The following SGCD variants were observed in gnomAD, a reference collection of about 807,000 sequenced individuals.
SGCD encodes the protein delta-sarcoglycan.
Under a neutral mutation model 36.6 loss-of-function variants are expected in SGCD, and 18 were observed. The ratio of observed to expected loss-of-function variants is 0.49; its 90% CI spans 0.34 to 0.73. The LOEUF is 0.73. Ranked by LOEUF, SGCD falls within the 30% of genes least tolerant of loss-of-function variation. The pLI, the probability that SGCD is intolerant of heterozygous loss-of-function variation, is 0.01. For missense variants in SGCD, 387 were observed against 346.7 expected (o/e 1.12, Z -0.92); for synonymous variants, 133 against 130.6 (o/e 1.02, Z -0.12).
chr5:156,703,652 C>T (rs1272878636), intron 7 of SGCD, among the ~76,000 whole-genome samples: 1 of 152,100 alleles, frequency 6.6e-6, no homozygotes. Flanking sequence ...TATTATGTAC[C>T]TAGCTTGTGC....
At chr5:156,177,121 C>T (rs1159712643) in intron 3 of SGCD, among the ~76,000 whole-genome samples, 1 of 152,122 alleles carries the variant, frequency 6.6e-6, no homozygotes, top group Non-Finnish European at 1.5e-5. Flanking sequence ...TCTGCCTCAG[C>T]ATCCTGAGTA....
intron 4 of SGCD, among the ~76,000 whole-genome samples, chr5:156,514,785 G>A (rs1040039414): frequency 3.3e-5 from 5 of 152,164 alleles, no homozygotes; most frequent in African/African-American, 1.2e-4. Context: ...TTGAACAATT[G>A]TTTAACCTTT....
chr5:155,996,863 G>GGATAAATA (rs1554110374), intron 1 of SGCD, among the ~76,000 whole-genome samples: 1 of 133,358 alleles, frequency 7.5e-6, no homozygotes, highest in Non-Finnish European at 1.7e-5. Context: ...CTGGATGGAT[G>GGATAAATA]GATAGATAGA....
At chr5:156,449,863 A>G (rs1035672309) in intron 3 of SGCD, among the ~76,000 whole-genome samples, 6 of 151,352 alleles carry the variant, frequency 4.0e-5, no homozygotes, top group Non-Finnish European at 5.9e-5. Flanking sequence ...AAAAAAAAAA[A>G]AAAAAAAAAG....
chr5:156,655,392 G>T (rs1237609937), intron 7 of SGCD, among the ~76,000 whole-genome samples: 1 of 152,144 alleles, frequency 6.6e-6, no homozygotes, highest in East Asian at 1.9e-4. Context: ...CTTCCTAGAA[G>T]ATGTCAGTTA....
At chr5:156,284,145 G>A (rs923071233) in intron 3 of SGCD, among the ~76,000 whole-genome samples, 4 of 152,080 alleles carry the variant, frequency 2.6e-5, no homozygotes, top group Non-Finnish European at 5.9e-5. Context: ...TCTCTTAATA[G>A]ACCAATAACA....
chr5:156,071,326 T>G (rs1326120178), intron 1 of SGCD, among the ~76,000 whole-genome samples: 2 of 152,242 alleles, frequency 1.3e-5, no homozygotes, highest in African/African-American at 4.8e-5. Context: ...TTCTGGTATG[T>G]TGTATCTTTG....
intron 2 of SGCD, among the ~76,000 whole-genome samples, chr5:156,340,658 T>G (rs755741947): frequency 6.6e-6 from 1 of 152,228 alleles, no homozygotes; most frequent in Non-Finnish European, 1.5e-5. Flanking sequence ...TTAAAAATGT[T>G]ATAAAATTGT....
chr5:156,071,603 T>C (rs992703959), intron 1 of SGCD, among the ~76,000 whole-genome samples: 1 of 152,180 alleles, frequency 6.6e-6, no homozygotes, highest in African/African-American at 2.4e-5. Context: ...AAAATGTATA[T>C]TCTGTTGATT....
At chr5:156,271,764 C>G (rs1766188313) in intron 3 of SGCD, among the ~76,000 whole-genome samples, 1 of 152,154 alleles carries the variant, frequency 6.6e-6, no homozygotes, top group East Asian at 1.9e-4. Context: ...TTGTGCTCTC[C>G]CCTTGCATAC....
intron 3 of SGCD, among the ~76,000 whole-genome samples, chr5:156,350,738 A>G (rs1443397593): frequency 6.6e-6 from 1 of 152,196 alleles, no homozygotes; most frequent in Non-Finnish European, 1.5e-5. Flanking sequence ...ACCTTAGTTT[A>G]TCACACATTG....
At chr5:156,161,436 C>T (rs937149926) in intron 3 of SGCD, among the ~76,000 whole-genome samples, 8 of 151,808 alleles carry the variant, frequency 5.3e-5, no homozygotes, top group African/African-American at 1.5e-4. Flanking sequence ...TACCGCTTTC[C>T]AGTCACAGGA....
chr5:156,275,434 T>C (rs1219399929), intron 3 of SGCD, among the ~76,000 whole-genome samples: 1 of 152,202 alleles, frequency 6.6e-6, no homozygotes, highest in Non-Finnish European at 1.5e-5. Flanking sequence ...GTAGTAGAGA[T>C]GCATGCTTAA....
At chr5:156,555,191 G>A (rs1166574827) in intron 4 of SGCD, among the ~76,000 whole-genome samples, 2 of 152,054 alleles carry the variant, frequency 1.3e-5, no homozygotes, top group African/African-American at 4.8e-5. Context: ...TTTCTTGACA[G>A]TGTCTTTTGC....
At chr5:155,752,334 T>C in the SGCD span, among the ~76,000 whole-genome samples, 1 of 152,212 alleles carries the variant, frequency 6.6e-6, no homozygotes, top group Admixed American at 6.5e-5. Context: ...TGGCTCCTGC[T>C]GCCACTTGGC....
intron 4 of SGCD, among the ~76,000 whole-genome samples, chr5:156,580,572 A>T (rs1043623216): frequency 1.3e-5 from 2 of 152,116 alleles, no homozygotes; most frequent in African/African-American, 4.8e-5. Context: ...ACATGGTCTG[A>T]TATTTCTTGG....
the SGCD span, among the ~76,000 whole-genome samples, chr5:155,817,511 C>G: frequency 6.3e-4 from 95 of 151,828 alleles, no homozygotes; most frequent in African/African-American, 2.2e-3. Context: ...TTCTTACTTT[C>G]TTGTGTGGGT....
intron 1 of SGCD, among the ~76,000 whole-genome samples, chr5:156,008,439 G>A (rs1039970107): frequency 6.6e-5 from 10 of 152,026 alleles, no homozygotes; most frequent in African/African-American, 2.2e-4. Flanking sequence ...GCAGTAGCAC[G>A]ATCATGGCTC....
chr5:156,149,622 G>A (rs74858302), intron 3 of SGCD, among the ~76,000 whole-genome samples: 1 of 152,040 alleles, frequency 6.6e-6, no homozygotes. Flanking sequence ...TCAGTAGATG[G>A]TTCTCAGCTG....
Sources: allele counts gnomAD v4.1 joint callset (sites outside exome capture counted in the v4.1 genomes callset), GRCh38; gene constraint gnomAD v4.1.1; transcripts MANE v1.5; gene names NCBI Gene and HGNC (gene_info 2026-07-23, HGNC 2026-07-21).